AGBL1: variants seen among roughly 807,000 people sequenced by gnomAD.
AGBL1 encodes AGBL carboxypeptidase 1.
A neutral mutation model predicts 118.9 loss-of-function variants in AGBL1; 130 were observed. That is an observed-to-expected ratio of 1.09 (90% CI 0.95 to 1.26). The LOEUF is 1.26. Among genes scored for constraint, AGBL1 ranks in the 50% most tolerant of loss-of-function variants. The probability of loss-of-function intolerance (pLI) is 0.00; values close to 1 mark genes in which losing one functional copy is unlikely to be tolerated. For synonymous variants in AGBL1, 555 were observed against 478.9 expected, an observed-to-expected ratio of 1.16 and a Z score of -2.08; for missense variants, 1,584 against 1,298.1, an observed-to-expected ratio of 1.22 and a Z score of -3.38.
chr15:86,363,462 A>G (rs2080836426), intron 17 of AGBL1, among the ~76,000 whole-genome samples: 1 of 151,986 alleles, frequency 6.6e-6, no homozygotes, highest in African/African-American at 2.4e-5. Context: ...CCTTGTCCCC[A>G]CTTGAATTCT....
At chr15:86,661,458 C>A (rs2085538411) in intron 21 of AGBL1, among the ~76,000 whole-genome samples, 1 of 151,874 alleles carries the variant, frequency 6.6e-6, no homozygotes, top group Admixed American at 6.6e-5. Context: ...GAACAATGGG[C>A]TCTCACAATT....
rs1007261181 is a variant in AGBL1, at chr15:86,224,670, A to T, written c.489-244A>T. ...GTGGAAGGTGGGAGGCAAGCAGGGG[A>T]GAGAAAGAGATTTTCAGCAGCAGAG... On this transcript the variant is annotated intron_variant, in intron 5 of 22. Transcript: ENST00000614907. Among the ~76,000 whole-genome samples, 5 of 152,230 alleles carry T rather than the reference A, an allele frequency of 3.3e-5. No individual in the cohort carries two copies. The Middle Eastern group carries it at 0.01, about 311-fold the overall frequency.
intron 5 of AGBL1, among the ~76,000 whole-genome samples, chr15:86,221,215 A>G (rs536814798): frequency 6.6e-5 from 10 of 152,192 alleles, no homozygotes; most frequent in East Asian, 1.9e-4. Flanking sequence ...ATAAAAAATA[A>G]AAAATGAAAA....
At chr15:86,780,436 C>G (rs1265152402) in intron 22 of AGBL1, among the ~76,000 whole-genome samples, 1 of 152,070 alleles carries the variant, frequency 6.6e-6, no homozygotes, top group Non-Finnish European at 1.5e-5. Flanking sequence ...TTTGATATTA[C>G]TTTGCCTTTT....
At chr15:86,624,588 T>A (rs1300082347) in intron 21 of AGBL1, among the ~76,000 whole-genome samples, 1 of 152,170 alleles carries the variant, frequency 6.6e-6, no homozygotes, top group Non-Finnish European at 1.5e-5. Context: ...TAAATTTAAT[T>A]AAGGCTGGAA....
intron 22 of AGBL1, among the ~76,000 whole-genome samples, chr15:86,720,701 G>A (rs986323708): frequency 6.6e-6 from 1 of 152,094 alleles, no homozygotes; most frequent in African/African-American, 2.4e-5. Flanking sequence ...ATACCGATGG[G>A]CCATGGGACA....
At chr15:86,371,702 C>A (rs1347179212) in intron 17 of AGBL1, among the ~76,000 whole-genome samples, 1 of 152,090 alleles carries the variant, frequency 6.6e-6, no homozygotes, top group Admixed American at 6.5e-5. Context: ...ACACCGTGTG[C>A]AGAAATGTGT....
intron 23 of AGBL1, among the ~76,000 whole-genome samples, chr15:86,970,407 T>G (rs2141702019): frequency 6.6e-6 from 1 of 152,074 alleles, no homozygotes; most frequent in Non-Finnish European, 1.5e-5. Context: ...CTATGTGCAT[T>G]AAAGATATGA....
chr15:86,427,977 G>T (rs1159952723), intron 18 of AGBL1, among the ~76,000 whole-genome samples: 1 of 152,160 alleles, frequency 6.6e-6, no homozygotes, highest in Admixed American at 6.5e-5. Flanking sequence ...AAATGGGATA[G>T]ATCTTAAATA....
chr15:86,899,303 C>T (rs1356951676), intron 22 of AGBL1, among the ~76,000 whole-genome samples: 2 of 152,088 alleles, frequency 1.3e-5, no homozygotes, highest in African/African-American at 2.4e-5. Context: ...CCAAATACCA[C>T]GTGTTATCAC....
chr15:86,086,281 A>T (rs1379025886), intron 1 of AGBL1: 1 of 152,188 alleles, frequency 6.6e-6, no homozygotes, highest in African/African-American at 2.4e-5. Context: ...GGCAGCTATG[A>T]ATCAAACAGA....
chr15:86,190,185 A>G (rs1186385446), intron 5 of AGBL1, among the ~76,000 whole-genome samples: 1 of 152,182 alleles, frequency 6.6e-6, no homozygotes, highest in Non-Finnish European at 1.5e-5. Context: ...ATACATATTA[A>G]TATAGCATGA....
intron 22 of AGBL1, among the ~76,000 whole-genome samples, chr15:86,691,783 A>C (rs1440149521): frequency 6.6e-6 from 1 of 152,150 alleles, no homozygotes; most frequent in Non-Finnish European, 1.5e-5. Context: ...CATTATTGCT[A>C]ATCCATAATA....
intron 22 of AGBL1, among the ~76,000 whole-genome samples, chr15:86,780,671 T>C (rs1274421097): frequency 6.6e-6 from 1 of 151,492 alleles, no homozygotes; most frequent in Non-Finnish European, 1.5e-5. Flanking sequence ...TTTTTTTTTT[T>C]CTTTTGGTGA....
chr15:86,562,563 T>A (rs574239568), intron 21 of AGBL1, among the ~76,000 whole-genome samples: 3 of 152,342 alleles, frequency 2.0e-5, no homozygotes, highest in Admixed American at 6.5e-5. Flanking sequence ...TATTGAGGAT[T>A]TTTGCATCAA....
chr15:86,770,431 G>C (rs188986613), intron 22 of AGBL1, among the ~76,000 whole-genome samples: 164 of 152,028 alleles, frequency 1.1e-3, no homozygotes, highest in Non-Finnish European at 1.9e-3. Flanking sequence ...TACAGCTGCT[G>C]CTAAACACCT....
In AGBL1 at chr15:86,573,067, G is replaced by A. The variant is rs191413004; in HGVS notation, c.2994+18530G>A. 3.3e-5 allele frequency among the ~76,000 whole-genome samples: 5 copies of A among 152,240 alleles called. No individual in the cohort carries two copies. The East Asian group carries it at 9.6e-4, about 29-fold the overall frequency. ...TGTTGTTGGAAGCCAATAATTAGAG[G>A]TTTTTATATAAATGTTTGTTTCATC... On this transcript the variant is annotated intron_variant, in intron 21 of 22. Coordinates refer to ENST00000614907, the MANE Select transcript of AGBL1 (RefSeq NM_001386094.1).
chr15:86,264,981 C>A, intron 11 of AGBL1, 143 bp downstream of exon 11: 2 of 803,706 alleles, frequency 2.5e-6, no homozygotes, highest in Non-Finnish European at 3.7e-6. Context: ...GCAAACTGGC[C>A]AAACACACAA....
chr15:86,748,751 A>G (rs1715831365), intron 22 of AGBL1, among the ~76,000 whole-genome samples: 2 of 151,980 alleles, frequency 1.3e-5, no homozygotes, highest in Non-Finnish European at 2.9e-5. Context: ...TCCCAGCACC[A>G]TTTATTAAAT....
Sources: gnomAD v4.1 joint callset for allele counts (sites outside exome capture counted in the v4.1 genomes callset) on GRCh38, gnomAD v4.1.1 for gene constraint, MANE v1.5 for transcripts, NCBI Gene and HGNC (gene_info 2026-07-23, HGNC 2026-07-21) for gene names.